Variants in NPSR1 observed in about 807,000 individuals in gnomAD.
NPSR1 encodes neuropeptide S receptor 1, also known as neuropeptide S receptor.
NPSR1 carries 48 observed loss-of-function variants against 46.9 expected under a neutral mutation model. The observed-to-expected ratio is 1.02, with a 90% CI of 0.81 to 1.30. The LOEUF (loss-of-function observed/expected upper bound fraction) is 1.30. NPSR1 is among the 50% of genes most tolerant of loss of function. The pLI, the probability that NPSR1 is intolerant of heterozygous loss-of-function variation, is 0.00. For synonymous variants in NPSR1, 176 were observed against 168.1 expected (o/e 1.05, Z -0.36); for missense variants, 450 against 449.5 (o/e 1.00, Z -0.01).
chr7:34,859,354 G>A (rs1329062290), intron 8 of NPSR1, among the ~76,000 whole-genome samples: 3 of 151,620 alleles, frequency 2.0e-5, no homozygotes, highest in East Asian at 1.9e-4. Context: ...TCCCACTTCA[G>A]TATTCATCCA....
chr7:34,768,106 A>G (rs910508938), intron 2 of NPSR1, among the ~76,000 whole-genome samples: 1 of 152,174 alleles, frequency 6.6e-6, no homozygotes, highest in African/African-American at 2.4e-5. Flanking sequence ...ATGTAGCCCC[A>G]TGAATATGTA....
At chr7:34,717,333 T>C (rs1011462143) in intron 2 of NPSR1, among the ~76,000 whole-genome samples, 7 of 152,210 alleles carry the variant, frequency 4.6e-5, no homozygotes, top group Non-Finnish European at 1.0e-4. Flanking sequence ...GGTTTCTCCA[T>C]GTTGGTCATG....
chr7:34,763,939 A>G (rs1023633630), intron 2 of NPSR1, among the ~76,000 whole-genome samples: 5 of 152,236 alleles, frequency 3.3e-5, no homozygotes, highest in African/African-American at 1.2e-4. Flanking sequence ...GAACTGCAAT[A>G]GAACTAAGCT....
At chr7:34,807,612 C>T (rs1276205085) in intron 3 of NPSR1, among the ~76,000 whole-genome samples, 1 of 152,084 alleles carries the variant, frequency 6.6e-6, no homozygotes, top group Non-Finnish European at 1.5e-5. Context: ...TCTATTTCCA[C>T]ACTTAGATAT....
At chr7:34,696,569 C>A (rs1321458753) in intron 2 of NPSR1, among the ~76,000 whole-genome samples, 3 of 151,494 alleles carry the variant, frequency 2.0e-5, no homozygotes, top group Non-Finnish European at 1.5e-5. Context: ...CTGAAGCTTA[C>A]AATACAATAG....
At chr7:34,847,039 C>T (rs1426911352) in intron 7 of NPSR1, among the ~76,000 whole-genome samples, 1 of 152,150 alleles carries the variant, frequency 6.6e-6, no homozygotes, top group Non-Finnish European at 1.5e-5. Context: ...AAATACTGTT[C>T]AGCGCCAGTG....
At chr7:34,742,805 G>A (rs538556045) in intron 2 of NPSR1, among the ~76,000 whole-genome samples, 11 of 152,000 alleles carry the variant, frequency 7.2e-5, no homozygotes, top group Non-Finnish European at 1.5e-4. Flanking sequence ...TCTCTGCAAC[G>A]TCACCAGCAT....
intron 2 of NPSR1, among the ~76,000 whole-genome samples, chr7:34,709,520 T>C (rs1752578774): frequency 6.6e-6 from 1 of 152,154 alleles, no homozygotes; most frequent in South Asian, 2.1e-4. Flanking sequence ...TCAGTTTCTT[T>C]TGGGGCCTTC....
chr7:34,846,055 C>G (rs1194994459), intron 7 of NPSR1, among the ~76,000 whole-genome samples: 4 of 152,144 alleles, frequency 2.6e-5, no homozygotes, highest in Non-Finnish European at 5.9e-5. Flanking sequence ...GACGTAGGCA[C>G]AAAACAACAC....
chr7:34,664,162 A>G (rs887108591), intron 1 of NPSR1, among the ~76,000 whole-genome samples: 2 of 152,190 alleles, frequency 1.3e-5, no homozygotes, highest in Non-Finnish European at 2.9e-5. Flanking sequence ...AGCTTTCTCC[A>G]TCATTTCAAT....
intron 1 of NPSR1, among the ~76,000 whole-genome samples, chr7:34,681,620 C>T (rs1792639900): frequency 1.3e-5 from 2 of 152,138 alleles, no homozygotes; most frequent in Non-Finnish European, 2.9e-5. Flanking sequence ...GTGGCCTTAG[C>T]CAGAAAGGTG....
Position 34,834,277 on chromosome 7 carries a change from T to A in NPSR1, c.681-107T>A, listed in dbSNP as rs151317529. 662 of 799,502 alleles carry A rather than the reference T, an allele frequency of 8.3e-4. 6 individuals carry two copies. Among genetic ancestry groups the A allele is most frequent in the African/African-American group, 8.2e-3 (483 of 59,240 alleles). The allele number at this position is 799,502 out of a possible 1,614,324, so 49.5% of individuals were successfully genotyped here. Reference sequence around the variant, plus strand: ...TAAGGGGGCAGGCATGGTTAAAAGATCTGTCCCTTCACACCTTGCACTCGG... The same window carrying A: ...TAAGGGGGCAGGCATGGTTAAAAGAACTGTCCCTTCACACCTTGCACTCGG... On this transcript the variant is annotated intron_variant, in intron 5 of 8. Coordinates refer to ENST00000360581, the MANE Select transcript of NPSR1 (RefSeq NM_207172.2).
chr7:34,838,969 C>A lies in NPSR1; in HGVS notation c.757+4509C>A, dbSNP rs1410387493. Among the ~76,000 whole-genome samples, 3 of 152,010 alleles carry A rather than the reference C, an allele frequency of 2.0e-5. No individual in the cohort carries two copies. The East Asian group carries it at 5.8e-4, about 29-fold the overall frequency. ...TTGGTGGATATGATCCATGCTATAT[C>A]CAAATTCCATGTTTTTAATTAAATG... On this transcript the variant is annotated intron_variant, in intron 6 of 8. Transcript: ENST00000360581.
At chr7:34,762,602 C>A (rs943455725) in intron 2 of NPSR1, among the ~76,000 whole-genome samples, 1 of 151,942 alleles carries the variant, frequency 6.6e-6, no homozygotes, top group African/African-American at 2.4e-5. Flanking sequence ...TTTTGTGCAA[C>A]CAAAAGCAAG....
At chr7:34,666,145 A>G (rs1244010820) in intron 1 of NPSR1, among the ~76,000 whole-genome samples, 1 of 152,256 alleles carries the variant, frequency 6.6e-6, no homozygotes, top group Admixed American at 6.5e-5. Context: ...GATTCGTGAC[A>G]TCACAGTAAG....
At position 34,858,862 on chromosome 7, in the gene NPSR1, T is replaced by TG. The variant is rs769626577; in HGVS notation, c.1025+10208dup. Among the ~76,000 whole-genome samples, 148 of 150,704 alleles carry TG rather than the reference T, an allele frequency of 9.8e-4. 2 individuals carry two copies. The highest frequency in any genetic ancestry group is 5.3e-3 in the South Asian group (25 of 4,730). On this transcript the variant is annotated intron_variant, in intron 8 of 8. Coordinates refer to the NPSR1 transcript ENST00000359791. ...ATTATGGGAGCTACAGGATGAGATC[T>TG]GGGGGGGGGACACAGATCCAAACCA... is the stretch of plus-strand genomic sequence containing the variant.
In NPSR1 at chr7:34,872,241, T is replaced by C. The variant is rs558684161; in HGVS notation, c.1026-5835T>C. Among the ~76,000 whole-genome samples the C allele has an allele frequency of 1.3e-5, 2 of 152,094 alleles. 1 individual carries two copies. Among genetic ancestry groups the C allele is most frequent in the African/African-American group, 4.8e-5 (2 of 41,340 alleles). ...GCTGTACCTTGGCCCCTTTGAGTCA[T>C]GCCTGAAGCCAGAGTGGCCAGGATG... On this transcript the variant is annotated intron_variant, in intron 8 of 8. Transcript: ENST00000359791.
At chr7:34,858,620 G>C (rs912384544) in intron 8 of NPSR1, among the ~76,000 whole-genome samples, 1 of 151,888 alleles carries the variant, frequency 6.6e-6, no homozygotes, top group Admixed American at 6.5e-5. Context: ...GTTCCACATT[G>C]CTGGGGAGGT....
At chr7:34,735,337 G>A (rs143309550) in intron 2 of NPSR1, among the ~76,000 whole-genome samples, 2 of 152,278 alleles carry the variant, frequency 1.3e-5, no homozygotes, top group East Asian at 3.9e-4. Context: ...TGCTGGAGAA[G>A]AGACCACCCC....
Sources: gnomAD v4.1 joint callset for allele counts (sites outside exome capture counted in the v4.1 genomes callset) on GRCh38, gnomAD v4.1.1 for gene constraint, MANE v1.5 for transcripts, NCBI Gene and HGNC (gene_info 2026-07-23, HGNC 2026-07-21) for gene names.